ERBB4: variants seen among roughly 807,000 people sequenced by gnomAD.
ERBB4 encodes receptor tyrosine-protein kinase erbB-4.
A neutral mutation model predicts 158.0 loss-of-function variants in ERBB4; 42 were observed. The observed-to-expected ratio is 0.27, with a 90% CI of 0.21 to 0.34. The LOEUF is 0.34. Among genes scored for constraint, ERBB4 ranks in the 10% least tolerant of loss-of-function variants. ERBB4 has a pLI of 1.00. For missense variants in ERBB4, 1,333 were observed against 1,624.1 expected (o/e 0.82, Z 3.08); for synonymous variants, 583 against 558.7 (o/e 1.04, Z -0.61).
At chr2:211,893,430 A>G (rs2079020293) in intron 3 of ERBB4, among the ~76,000 whole-genome samples, 3 of 141,228 alleles carry the variant, frequency 2.1e-5, no homozygotes, top group Admixed American at 6.9e-5. Flanking sequence ...TAAAGATTTA[A>G]ACGTTAGACC....
chr2:212,296,965 A>G (rs553835417), intron 1 of ERBB4, among the ~76,000 whole-genome samples: 13 of 152,032 alleles, frequency 8.6e-5, no homozygotes, highest in African/African-American at 2.9e-4. Context: ...TGACTCACCA[A>G]CGCTACTAAT....
intron 20 of ERBB4, among the ~76,000 whole-genome samples, chr2:211,550,807 T>A (rs2067073342): frequency 6.6e-6 from 1 of 150,726 alleles, no homozygotes; most frequent in Non-Finnish European, 1.5e-5. Context: ...TCTAAATTAA[T>A]CAATTAATTG....
At chr2:212,098,757 A>T (rs1227717990) in intron 2 of ERBB4, among the ~76,000 whole-genome samples, 1 of 152,204 alleles carries the variant, frequency 6.6e-6, no homozygotes, top group Non-Finnish European at 1.5e-5. Flanking sequence ...GCTGAATATT[A>T]AAGTTTGTAT....
chr2:211,945,758 T>C (rs1342648421), intron 3 of ERBB4, among the ~76,000 whole-genome samples: 1 of 152,092 alleles, frequency 6.6e-6, no homozygotes, highest in African/African-American at 2.4e-5. Context: ...AGTACTGGTA[T>C]TAAATGTGAA....
chr2:211,478,021 C>G (rs373830127), intron 20 of ERBB4, among the ~76,000 whole-genome samples: 2 of 152,128 alleles, frequency 1.3e-5, no homozygotes, highest in Non-Finnish European at 2.9e-5. Flanking sequence ...AGCTACAACA[C>G]CACTTGGCTC....
chr2:212,087,398 A>G (rs896471657), intron 2 of ERBB4, among the ~76,000 whole-genome samples: 6 of 152,248 alleles, frequency 3.9e-5, no homozygotes, highest in African/African-American at 1.4e-4. Context: ...TAACAGTACT[A>G]ACGCCACCAA....
intron 3 of ERBB4, among the ~76,000 whole-genome samples, chr2:211,882,422 T>C (rs1200224852): frequency 1.3e-5 from 2 of 152,130 alleles, no homozygotes; most frequent in Non-Finnish European, 2.9e-5. Flanking sequence ...GATGAACTTT[T>C]AAAAGTCCCC....
intron 25 of ERBB4, among the ~76,000 whole-genome samples, chr2:211,410,496 CA>C (rs1190025858): frequency 7.2e-5 from 11 of 151,862 alleles, no homozygotes; most frequent in African/African-American, 2.7e-4. Context: ...ACATTTATTA[CA>C]AGAGAAAATG....
At chr2:212,507,079 T>C (rs955867693) in intron 1 of ERBB4, among the ~76,000 whole-genome samples, 1 of 152,132 alleles carries the variant, frequency 6.6e-6, no homozygotes, top group Non-Finnish European at 1.5e-5. Flanking sequence ...CTAAAGCCCT[T>C]AATAATTATC....
intron 2 of ERBB4, among the ~76,000 whole-genome samples, chr2:212,065,877 C>T (rs962704842): frequency 1.6e-4 from 25 of 151,948 alleles, no homozygotes; most frequent in African/African-American, 6.0e-4. Context: ...TGCTTGTTCT[C>T]AGTGAAGCGA....
chr2:211,625,379 T>A (rs1484032341), intron 17 of ERBB4, among the ~76,000 whole-genome samples: 1 of 152,154 alleles, frequency 6.6e-6, no homozygotes, highest in Non-Finnish European at 1.5e-5. Flanking sequence ...CATGCTTCTG[T>A]GAAAATAACG....
chr2:211,572,778 G>T (rs2067768120), intron 19 of ERBB4, among the ~76,000 whole-genome samples: 1 of 152,192 alleles, frequency 6.6e-6, no homozygotes. Flanking sequence ...TGTATGCCAT[G>T]TGTTTCCTAC....
chr2:211,444,451 TA>T (rs1236861302), intron 20 of ERBB4, among the ~76,000 whole-genome samples: 1 of 152,096 alleles, frequency 6.6e-6, no homozygotes, highest in Non-Finnish European at 1.5e-5. Flanking sequence ...ATCTCACTTA[TA>T]ACATGGAAAT....
intron 1 of ERBB4, among the ~76,000 whole-genome samples, chr2:212,136,175 A>T (rs1253940868): frequency 6.6e-6 from 1 of 152,172 alleles, no homozygotes; most frequent in African/African-American, 2.4e-5. Context: ...AAGGAATTAG[A>T]CTAGATGTTC....
chr2:212,536,558 T>C (rs1693077205), intron 1 of ERBB4, among the ~76,000 whole-genome samples: 1 of 152,094 alleles, frequency 6.6e-6, no homozygotes, highest in Admixed American at 6.5e-5. Flanking sequence ...TGGGCTCACT[T>C]GTGGGTCTGA....
chr2:211,801,411 T>G (rs1449429856), intron 3 of ERBB4, among the ~76,000 whole-genome samples: 1 of 152,136 alleles, frequency 6.6e-6, no homozygotes, highest in African/African-American at 2.4e-5. Context: ...TTGCTTGATA[T>G]AGTTAAAAAT....
chr2:212,278,495 C>T (rs1038269736), intron 1 of ERBB4, among the ~76,000 whole-genome samples: 8 of 151,566 alleles, frequency 5.3e-5, no homozygotes, highest in African/African-American at 1.7e-4. Flanking sequence ...ATAGAAAAAT[C>T]ACATTGGGCC....
chr2:212,270,082 T>A (rs1377687855), intron 1 of ERBB4, among the ~76,000 whole-genome samples: 9 of 151,824 alleles, frequency 5.9e-5, no homozygotes, highest in Admixed American at 5.9e-4. Flanking sequence ...TTTATCAGAT[T>A]TTACCAGGGA....
chr2:212,135,243 G>A (rs2080235925), intron 1 of ERBB4, among the ~76,000 whole-genome samples: 1 of 152,132 alleles, frequency 6.6e-6, no homozygotes, highest in South Asian at 2.1e-4. Context: ...TATATAGTGT[G>A]AGGGAAAATA....
Sources: allele counts gnomAD v4.1 joint callset (sites outside exome capture counted in the v4.1 genomes callset), GRCh38; gene constraint gnomAD v4.1.1; transcripts MANE v1.5; gene names NCBI Gene and HGNC (gene_info 2026-07-23, HGNC 2026-07-21).